CSMD1: variants seen among roughly 807,000 people sequenced by gnomAD.
The protein encoded by CSMD1 is CUB and Sushi multiple domains 1.
In CSMD1, 213 loss-of-function variants were observed where a neutral mutation model predicts 417.5. That is an observed-to-expected ratio of 0.51 (90% CI 0.46 to 0.57). The LOEUF (loss-of-function observed/expected upper bound fraction) is 0.57. Ranked by LOEUF, CSMD1 falls within the 20% of genes least tolerant of loss-of-function variation. CSMD1 has a pLI of 0.00. For missense variants in CSMD1, 6,923 were observed against 4,529.7 expected (o/e 1.53, Z -15.17); for synonymous variants, 2,862 against 1,736.8 (o/e 1.65, Z -16.11).
In CSMD1 at chr8:4,721,671, G is replaced by C. The variant is rs185276027; in HGVS notation, c.86-84113C>G. On this transcript the variant is annotated intron_variant, in intron 1 of 69. Transcript: ENST00000635120. ...GAGGTTCCTCAAAAAATTAAACATA[G>C]AAATATCATATAACCCAGCAATCCC... Among the ~76,000 whole-genome samples the C allele has an allele frequency of 9.2e-4, 140 of 152,060 alleles. 1 individual carries two copies. Among genetic ancestry groups the C allele is most frequent in the Non-Finnish European group, 1.7e-3 (114 of 67,994 alleles).
At chr8:4,256,928 G>A (rs900800838) in intron 3 of CSMD1, among the ~76,000 whole-genome samples, 3 of 152,134 alleles carry the variant, frequency 2.0e-5, no homozygotes, top group Admixed American at 6.5e-5. Flanking sequence ...TTTTCCTTCC[G>A]CTTTCCCTCC....
Position 3,097,041 on chromosome 8 carries a change from G to T in CSMD1, c.6950-4C>A. The T allele has an allele frequency of 1.3e-6, 2 of 1,522,108 alleles. No homozygotes were observed. Among genetic ancestry groups the T allele is most frequent in the South Asian group, 2.5e-5 (2 of 79,360 alleles). The allele number at this position is 1,522,108 out of a possible 1,614,324, so 94.3% of individuals were successfully genotyped here. A position where few individuals can be genotyped will look rare whatever the true frequency, so the allele number is the denominator to read the frequency against. ...ACTTCATTTGCTGGGCATTGTGCTG[G>T]AGAGAAAAGTACCAGCAAAAGTTTG... On this transcript the variant is annotated splice_polypyrimidine_tract_variant and splice_region_variant and intron_variant, in intron 46 of 69. Transcript: ENST00000635120.
At chr8:4,340,917 G>A (rs549938526) in intron 3 of CSMD1, among the ~76,000 whole-genome samples, 1 of 152,116 alleles carries the variant, frequency 6.6e-6, no homozygotes, top group East Asian at 1.9e-4. Flanking sequence ...GAACTCAAGC[G>A]GAGAGATTTC....
chr8:4,972,196 T>C (rs1368786435), intron 1 of CSMD1, among the ~76,000 whole-genome samples: 2 of 152,074 alleles, frequency 1.3e-5, no homozygotes, highest in Non-Finnish European at 2.9e-5. Context: ...GACTTCAGGC[T>C]TAGTACACAA....
Position 3,295,458 on chromosome 8 carries a change from C to T in CSMD1, c.3951-11112G>A, listed in dbSNP as rs149338119. On this transcript the variant is annotated intron_variant, in intron 25 of 69. Coordinates refer to ENST00000635120, the MANE Select transcript of CSMD1 (RefSeq NM_033225.6). Reference sequence around the variant, plus strand: ...GCTTTTGTACTATTATGGGAGAGACCGTTATACTGAAAAAAAGGTAGAACT... The same window carrying T: ...GCTTTTGTACTATTATGGGAGAGACTGTTATACTGAAAAAAAGGTAGAACT... 1.3e-3 allele frequency among the ~76,000 whole-genome samples: 204 copies of T among 151,990 alleles called. 1 individual carries two copies. The highest frequency in any genetic ancestry group is 4.3e-3 in the African/African-American group (180 of 41,448).
intron 36 of CSMD1, among the ~76,000 whole-genome samples, chr8:3,185,630 C>T (rs1301904223): frequency 1.3e-5 from 2 of 152,096 alleles, no homozygotes; most frequent in East Asian, 3.9e-4. Context: ...GATAGTTACT[C>T]GAGGGAAGGC....
intron 1 of CSMD1, among the ~76,000 whole-genome samples, chr8:4,870,296 G>C (rs1442799311): frequency 6.6e-6 from 1 of 152,034 alleles, no homozygotes; most frequent in Non-Finnish European, 1.5e-5. Context: ...GTAAAAATTG[G>C]AACAGAAAGA....
At chr8:4,912,995 GC>G (rs1805802979) in intron 1 of CSMD1, among the ~76,000 whole-genome samples, 1 of 152,174 alleles carries the variant, frequency 6.6e-6, no homozygotes, top group South Asian at 2.1e-4. Context: ...TACCGTGTTG[GC>G]CAGGATAGTC....
intron 2 of CSMD1, among the ~76,000 whole-genome samples, chr8:4,570,734 G>T (rs993017741): frequency 6.6e-6 from 1 of 152,122 alleles, no homozygotes; most frequent in Non-Finnish European, 1.5e-5. Flanking sequence ...GCTCCTCTTT[G>T]CACCTCTTGT....
intron 54 of CSMD1, among the ~76,000 whole-genome samples, chr8:2,988,212 G>C (rs1201196004): frequency 2.0e-5 from 3 of 151,924 alleles, no homozygotes; most frequent in Non-Finnish European, 2.9e-5. Flanking sequence ...TTTTGTGGTT[G>C]TTTCCTTTTT....
intron 2 of CSMD1, among the ~76,000 whole-genome samples, chr8:4,627,971 C>T (rs1802221351): frequency 6.7e-6 from 1 of 148,636 alleles, no homozygotes; most frequent in Non-Finnish European, 1.5e-5. Context: ...ATTCTAAGAG[C>T]AACTATCTCC....
intron 3 of CSMD1, among the ~76,000 whole-genome samples, chr8:4,102,633 T>C (rs530271572): frequency 6.6e-6 from 1 of 152,344 alleles, no homozygotes; most frequent in Admixed American, 6.5e-5. Context: ...GTTCTTGGCC[T>C]TTTAAATGTT....
chr8:4,367,378 G>A (rs143205444), intron 3 of CSMD1, among the ~76,000 whole-genome samples: 99 of 152,164 alleles, frequency 6.5e-4, no homozygotes, highest in African/African-American at 2.3e-3. Flanking sequence ...TAGGTGTATG[G>A]CTTTATTTCT....
chr8:3,163,447 C>T lies in CSMD1; in HGVS notation c.5726-1170G>A, dbSNP rs114723192. Among the ~76,000 whole-genome samples, 170 of 151,768 alleles carry T rather than the reference C, an allele frequency of 1.1e-3. 1 individual carries two copies. The highest frequency in any genetic ancestry group is 4.0e-3 in the African/African-American group (166 of 41,442). ...AAAAAACAGCAGGAGAACAGGTCCA[C>T]TCAGGGGCAGTCCCATGCTAGTGGT... is the stretch of plus-strand genomic sequence containing the variant. On this transcript the variant is annotated intron_variant, in intron 37 of 69. Transcript: ENST00000635120.
intron 3 of CSMD1, among the ~76,000 whole-genome samples, chr8:4,050,043 G>A (rs1798343333): frequency 6.6e-6 from 1 of 152,144 alleles, no homozygotes; most frequent in South Asian, 2.1e-4. Flanking sequence ...GATATTCTGT[G>A]GAATGTCCCT....
rs1031766800 is a variant in CSMD1 at position 3,031,867 on chromosome 8, T to TC, written c.7661-2355_7661-2354insG. On this transcript the variant is annotated intron_variant, in intron 50 of 69. Coordinates refer to ENST00000635120, the MANE Select transcript of CSMD1 (RefSeq NM_033225.6). ...TTTGATTATTTGCTCACATCTCTCT[T>TC]TTTTTTTTTTGGCTATGCTATACCC... Among the ~76,000 whole-genome samples, 21 of 31,384 alleles carry TC rather than the reference T, an allele frequency of 6.7e-4. 1 individual carries two copies. The highest frequency in any genetic ancestry group is 1.2e-3 in the South Asian group (2 of 1,718). The allele number at this position is 31,384 out of a possible 152,430, so 20.6% of individuals were successfully genotyped here.
chr8:4,084,905 C>A (rs926847530), intron 3 of CSMD1, among the ~76,000 whole-genome samples: 2 of 151,652 alleles, frequency 1.3e-5, no homozygotes, highest in African/African-American at 4.9e-5. Context: ...AAAGAAAAAA[C>A]AAAAACAAAA....
At chr8:4,905,160 T>C (rs950897818) in intron 1 of CSMD1, among the ~76,000 whole-genome samples, 1 of 152,120 alleles carries the variant, frequency 6.6e-6, no homozygotes, top group African/African-American at 2.4e-5. Context: ...CTGGGAGTAC[T>C]ATTCGAACAC....
At chr8:3,494,623 T>C (rs1272272366) in intron 10 of CSMD1, among the ~76,000 whole-genome samples, 5 of 151,780 alleles carry the variant, frequency 3.3e-5, no homozygotes, top group Middle Eastern at 3.2e-3. Context: ...AGATAGTAGA[T>C]AGATGACAGA....
Sources: gnomAD v4.1 joint callset for allele counts (sites outside exome capture counted in the v4.1 genomes callset) on GRCh38, gnomAD v4.1.1 for gene constraint, MANE v1.5 for transcripts, NCBI Gene and HGNC (gene_info 2026-07-23, HGNC 2026-07-21) for gene names.